EXD3: variants seen among roughly 807,000 people sequenced by gnomAD.
The protein encoded by EXD3 is exonuclease 3'-5' domain containing 3.
Under a neutral mutation model 98.0 loss-of-function variants are expected in EXD3, and 92 were observed. The observed-to-expected ratio is 0.94, with a 90% CI of 0.79 to 1.12. EXD3 has a LOEUF of 1.12. Among genes scored for constraint, EXD3 ranks in the 50% most tolerant of loss-of-function variants. The probability of loss-of-function intolerance (pLI) is 0.00; values close to 1 mark genes in which losing one functional copy is unlikely to be tolerated. For missense variants in EXD3, 1,222 were observed against 1,191.6 expected, an observed-to-expected ratio of 1.03 and a Z score of -0.38; for synonymous variants, 569 against 526.0, an observed-to-expected ratio of 1.08 and a Z score of -1.12.
intron 19 of EXD3, among the ~76,000 whole-genome samples, chr9:137,312,163 A>T: frequency 6.6e-6 from 1 of 152,100 alleles, no homozygotes; most frequent in Non-Finnish European, 1.5e-5. Flanking sequence ...CCTGACGGGG[A>T]CCCTGAGCAG....
At chr9:137,396,390 C>G (rs1013464422) in intron 1 of EXD3, among the ~76,000 whole-genome samples, 1 of 152,204 alleles carries the variant, frequency 6.6e-6, no homozygotes, top group African/African-American at 2.4e-5. Flanking sequence ...TAGTTTGAAT[C>G]ACACACAGCA....
intron 1 of EXD3, among the ~76,000 whole-genome samples, chr9:137,416,454 C>T (rs1242693100): frequency 6.6e-6 from 1 of 152,268 alleles, no homozygotes; most frequent in African/African-American, 2.4e-5. Flanking sequence ...GCCGGCAGCC[C>T]ACCGCCTCAC....
At chr9:137,307,543 G>A (rs1461295512) in intron 21 of EXD3, 65 bp downstream of exon 21, 1 of 1,586,694 alleles carries the variant, frequency 6.3e-7, no homozygotes, top group East Asian at 2.2e-5. Flanking sequence ...CCCATTCTGG[G>A]GGAAGCCTGG....
At position 137,352,164 on chromosome 9, in the gene EXD3, T is replaced by G. The variant is rs1397570291; in HGVS notation, c.1075A>C (p.Met359Leu). The stretch of plus-strand genomic sequence containing the variant: ...GGCAGCTGGTAGTAACGGTCCTTCA[T>G]GTCCTTCACCTCCAGCCTCGAGTCA... ...EADSRLEVKDMKDRYYQLPIP... is the reference protein window; with the variant it reads ...EADSRLEVKDLKDRYYQLPIP... The change falls in exon 12 of 22, where the codon ATG becomes CTG. Residue 359 changes from methionine to leucine, a missense_variant. Transcript: ENST00000340951. 4 of 1,612,722 alleles carry G rather than the reference T, an allele frequency of 2.5e-6. No homozygotes were observed. The African/African-American group carries it at 5.3e-5, about 22-fold the overall frequency.
chr9:137,408,552 A>C (rs1588436354), intron 1 of EXD3, among the ~76,000 whole-genome samples: 1 of 146,030 alleles, frequency 6.8e-6, no homozygotes, highest in African/African-American at 2.5e-5. Flanking sequence ...GCCTCAAAAA[A>C]AAAAAAAAAA....
intron 1 of EXD3, among the ~76,000 whole-genome samples, chr9:137,420,734 T>TCCC: frequency 8.3e-6 from 1 of 119,804 alleles, no homozygotes; most frequent in Non-Finnish European, 1.8e-5. Flanking sequence ...AGGACAGACA[T>TCCC]TCACCCCCCC....
intron 14 of EXD3, among the ~76,000 whole-genome samples, chr9:137,350,716 G>T (rs1300395570): frequency 4.0e-5 from 6 of 150,784 alleles, no homozygotes; most frequent in Non-Finnish European, 7.4e-5. Flanking sequence ...ACGGGGAGGG[G>T]GCTAGATAGA....
chr9:137,363,302 C>T (rs1241113769), intron 7 of EXD3, among the ~76,000 whole-genome samples: 36 of 128,988 alleles, frequency 2.8e-4, no homozygotes, highest in African/African-American at 8.5e-4. Context: ...TTTTAATTCT[C>T]TATAAGAGTT....
intron 19 of EXD3, among the ~76,000 whole-genome samples, chr9:137,320,873 C>A (rs911435071): frequency 6.6e-6 from 1 of 152,198 alleles, no homozygotes; most frequent in Non-Finnish European, 1.5e-5. Flanking sequence ...CCTCCCCAGG[C>A]GTCCCGGACA....
chr9:137,326,686 T>TAA (rs113488439), intron 17 of EXD3, among the ~76,000 whole-genome samples: 1 of 150,624 alleles, frequency 6.6e-6, no homozygotes, highest in East Asian at 1.9e-4. Context: ...GTGGCCTTTA[T>TAA]AAAAAAAAAG....
chr9:137,420,964 A>G (rs1247202973), intron 1 of EXD3, among the ~76,000 whole-genome samples: 2 of 152,118 alleles, frequency 1.3e-5, no homozygotes, highest in Non-Finnish European at 2.9e-5. Flanking sequence ...ACAGGTGAGC[A>G]CCACTATGCC....
chr9:137,382,723 G>A (rs1166847672), intron 3 of EXD3, among the ~76,000 whole-genome samples: 1 of 151,944 alleles, frequency 6.6e-6, no homozygotes, highest in African/African-American at 2.4e-5. Flanking sequence ...GGCTGGGGTT[G>A]GAGGGCGTCC....
At chr9:137,355,499 A>C (rs879079015) in intron 8 of EXD3, among the ~76,000 whole-genome samples, 11 of 27,736 alleles carry the variant, frequency 4.0e-4, no homozygotes, top group African/African-American at 9.4e-4. Flanking sequence ...GGATGGAGGA[A>C]GGAGGAAGGA....
At position 137,352,076 on chromosome 9, in the gene EXD3, G is replaced by A. The variant is rs759878241; in HGVS notation, c.1163C>T (p.Ala388Val). 2.5e-6 allele frequency: 4 copies of A among 1,611,660 alleles called. No individual in the cohort carries two copies. Among genetic ancestry groups the A allele is most frequent in the East Asian group, 2.2e-5 (1 of 44,866 alleles). ...SWEDLTRHEG[A>V]LLQCHQVVGV... ...GGCCGAGGGAACCACCTGCAGGAGT[G>A]CACCCTCGTGTCTGGTCAGGTCTTC... is the stretch of plus-strand genomic sequence containing the variant. Residue 388 changes from alanine (A) to valine (V), a missense_variant, in exon 12 of 22, where the codon GCA (alanine) becomes GTA (valine). Transcript: ENST00000340951.
rs921684847 is a variant in EXD3, at chr9:137,371,193, C to G, written c.462+1712G>C. Among the ~76,000 whole-genome samples the G allele has an allele frequency of 6.6e-6, 1 of 152,188 alleles. No homozygotes were observed. Among genetic ancestry groups the G allele is most frequent in the Non-Finnish European group, 1.5e-5 (1 of 68,022 alleles). ...AAAGGCTCTGTAACAGAAGACGGCC[C>G]GAAACACTAGCCTGCCTTCTGCCTC... On this transcript the variant is annotated intron_variant, in intron 5 of 21. Coordinates refer to ENST00000340951, the MANE Select transcript of EXD3 (RefSeq NM_017820.5). The surrounding 1 kb of genome is among the most constrained non-coding windows in gnomAD (Gnocchi z 8.0).
rs755174030 is a variant in EXD3, at chr9:137,366,477, G to A, written c.656+16C>T. On this transcript the variant is annotated intron_variant, in intron 7 of 21. Transcript: ENST00000340951. ...ATGCCATCTGGTGCCAGCTGCCAGC[G>A]CCCCACGGGACTCACCTGGCAACGT... The A allele has an allele frequency of 1.1e-5, 17 of 1,539,990 alleles. No individual in the cohort carries two copies. The highest frequency in any genetic ancestry group is 1.7e-4 in the Middle Eastern group (1 of 5,986).
chr9:137,389,313 G>A (rs548425683), intron 2 of EXD3, among the ~76,000 whole-genome samples: 2 of 145,388 alleles, frequency 1.4e-5, no homozygotes, highest in East Asian at 4.0e-4. Flanking sequence ...AGGGGCTCCC[G>A]GAGGTCCAGC....
chr9:137,347,915 C>T lies in EXD3; in HGVS notation c.1998+156G>A, dbSNP rs1238627177. 6.6e-6 allele frequency among the ~76,000 whole-genome samples: 1 copy of T among 152,180 alleles called. No homozygotes were observed. The highest frequency in any genetic ancestry group is 6.5e-5 in the Admixed American group (1 of 15,278). Reference sequence around the variant, plus strand: ...TCAGCCACTTGGCCCCCAACCGCTCCATCCTTGGCCACCCCGTCCTGTTCC... The same window carrying T: ...TCAGCCACTTGGCCCCCAACCGCTCTATCCTTGGCCACCCCGTCCTGTTCC... On this transcript the variant is annotated intron_variant, in intron 17 of 21. Coordinates refer to ENST00000340951, the MANE Select transcript of EXD3 (RefSeq NM_017820.5). The surrounding 1 kb of genome is among the most constrained non-coding windows in gnomAD (Gnocchi z 4.2).
chr9:137,340,880 A>G (rs1367978528), intron 17 of EXD3, among the ~76,000 whole-genome samples: 1 of 152,214 alleles, frequency 6.6e-6, no homozygotes, highest in African/African-American at 2.4e-5. Flanking sequence ...AGTTCCAAGC[A>G]ACACTGAATT....
Sources: gnomAD v4.1 joint callset for allele counts (sites outside exome capture counted in the v4.1 genomes callset) on GRCh38, gnomAD v4.1.1 for gene constraint, Gnocchi (gnomAD v3.1) non-coding constraint, MANE v1.5 for transcripts, NCBI Gene and HGNC (gene_info 2026-07-23, HGNC 2026-07-21) for gene names.